The following ZNF813 variants were observed in gnomAD, a reference collection of about 807,000 sequenced individuals.
The protein encoded by ZNF813 is zinc finger protein 813.
In ZNF813, 3 loss-of-function variants were observed where a neutral mutation model predicts 7.2. The observed-to-expected ratio is 0.42, with a 90% confidence interval of 0.19 to 1.08. The LOEUF is 1.08. Ranked by LOEUF, ZNF813 falls within the 50% of genes least tolerant of loss-of-function variation. ZNF813 has a pLI of 0.30. For synonymous variants in ZNF813, 227 were observed against 256.3 expected (o/e 0.89, Z 1.09); for missense variants, 714 against 753.3 (o/e 0.95, Z 0.61).
chr19:53,485,587 T>TGTATGTCATGATATAGAC (rs571848662), intron 2 of ZNF813, among the ~76,000 whole-genome samples: 1 of 139,698 alleles, frequency 7.2e-6, no homozygotes, highest in South Asian at 2.4e-4. Flanking sequence ...TGTCATGACA[T>TGTATGTCATGATATAGAC]ATGTATGTCA....
intron 1 of ZNF813, among the ~76,000 whole-genome samples, chr19:53,476,768 A>G (rs1019364263): frequency 2.0e-5 from 3 of 152,018 alleles, no homozygotes; most frequent in African/African-American, 7.2e-5. Context: ...GGTTCACACC[A>G]TTCTCCTGCC....
rs10402859 is a variant in ZNF813 at position 53,492,276 on chromosome 19, A to G, written c.*190A>G. On this transcript the variant is annotated 3_prime_UTR_variant, in exon 4 of 4. Transcript: ENST00000396403. ...CCTTCCACGTCATCATAGACTTCAT[A>G]GTGGAGAGAAACCTTAGAAATGTGA... is the stretch of plus-strand genomic sequence containing the variant. The G allele has an allele frequency of 1.1e-6, 1 of 874,514 alleles. No individual in the cohort carries two copies. Among genetic ancestry groups the G allele is most frequent in the Non-Finnish European group, 1.8e-6 (1 of 558,606 alleles). 54.2% of individuals were successfully genotyped at this position (874,514 alleles called of 1,614,324 possible).
rs199907213 is a variant in ZNF813, at chr19:53,491,080, C to T, written c.848C>T (p.Thr283Met). 87 of 1,613,406 alleles carry T rather than the reference C, an allele frequency of 5.4e-5. No individual in the cohort carries two copies. Among genetic ancestry groups the T allele is most frequent in the East Asian group, 3.3e-4 (15 of 44,824 alleles). Residue 283 changes from threonine (T) to methionine (M), a missense_variant, in exon 4 of 4, where the codon ACG becomes ATG. This residue lies in a region of ZNF813 where 563 missense variants were observed against 554.2 expected (regional missense o/e 1.02). Coordinates refer to ENST00000396403, the MANE Select transcript of ZNF813 (RefSeq NM_001004301.4). ...CNECGKTFSQTYSLTCHRRLH... is the reference protein window; with the variant it reads ...CNECGKTFSQMYSLTCHRRLH... ...GAGTGTGGCAAGACTTTCAGTCAGA[C>T]GTATTCCCTTACATGCCATCGTAGA...
In ZNF813 at chr19:53,476,315, T is replaced by C. The variant is rs555937383; in HGVS notation, c.-73-7435T>C. On this transcript the variant is annotated intron_variant, in intron 1 of 3. Transcript: ENST00000396403. Reference sequence around the variant, plus strand: ...TTGGCAGGGTATAAGCCATGAGGTCTGAAGCCAATGTTTCTCTAAAGATTG... The same window carrying C: ...TTGGCAGGGTATAAGCCATGAGGTCCGAAGCCAATGTTTCTCTAAAGATTG... 3.7e-4 allele frequency among the ~76,000 whole-genome samples: 56 copies of C among 152,298 alleles called. 1 individual carries two copies. The South Asian group carries it at 0.011, about 30-fold the overall frequency.
rs575285913 is a variant in ZNF813 at position 53,492,070 on chromosome 19, G to A, written c.1838G>A (p.Gly613Asp). ...GEKPYKFNEC[G>D]KAFN ...AAACCTTACAAGTTTAATGAGTGTG[G>A]CAAAGCTTTTAATTGAAAAGCAAAG... The change falls in exon 4 of 4, where the codon GGC (glycine) becomes GAC (aspartate). Residue 613 changes from glycine to aspartate, a missense_variant. This residue lies in a region of ZNF813 where 122 missense variants were observed against 146.8 expected (regional missense o/e 0.83). Coordinates refer to ENST00000396403, the MANE Select transcript of ZNF813 (RefSeq NM_001004301.4). 6.2e-6 allele frequency: 10 copies of A among 1,611,784 alleles called. No individual in the cohort carries two copies. In the East Asian group the frequency reaches 2.0e-4, roughly 32 times the overall value.
intron 3 of ZNF813, among the ~76,000 whole-genome samples, chr19:53,489,876 C>T (rs559033019): frequency 1.3e-5 from 2 of 152,134 alleles, no homozygotes; most frequent in South Asian, 2.1e-4. Flanking sequence ...ATTTTGTAAT[C>T]GTTTCTTACC....
rs1371125107 is a variant in ZNF813, at chr19:53,492,243, C to T, written c.*157C>T. 38 of 985,442 alleles carry T rather than the reference C, an allele frequency of 3.9e-5. 1 individual carries two copies. The highest frequency in any genetic ancestry group is 3.8e-5 in the Non-Finnish European group (25 of 660,666). The allele number at this position is 985,442 out of a possible 1,614,324, so 61.0% of individuals were successfully genotyped here. A position where few individuals can be genotyped will look rare whatever the true frequency, so the allele number is the denominator to read the frequency against. ...TGAACGTTGCAAAATTTTTAATCAA[C>T]AAGCACACCTTCCACGTCATCATAG... On this transcript the variant is annotated 3_prime_UTR_variant, in exon 4 of 4. Transcript: ENST00000396403.
intron 1 of ZNF813, among the ~76,000 whole-genome samples, chr19:53,481,293 G>A (rs777020493): frequency 8.0e-5 from 12 of 149,976 alleles, no homozygotes; most frequent in Non-Finnish European, 1.6e-4. Context: ...AGCAAGCCCT[G>A]CCTCAGCTTT....
chr19:53,470,133 TTTG>T, intron 1 of ZNF813, among the ~76,000 whole-genome samples: 1 of 150,550 alleles, frequency 6.6e-6, no homozygotes, highest in South Asian at 2.1e-4. Flanking sequence ...GCTAAATACA[TTTG>T]TTTTCTTTCT....
At position 53,492,273 on chromosome 19, in the gene ZNF813, C is replaced by T. The variant is rs1568433670; in HGVS notation, c.*187C>T. On this transcript the variant is annotated 3_prime_UTR_variant, in exon 4 of 4. Transcript: ENST00000396403. Reference sequence around the variant, plus strand: ...ACACCTTCCACGTCATCATAGACTTCATAGTGGAGAGAAACCTTAGAAATG... The same window carrying T: ...ACACCTTCCACGTCATCATAGACTTTATAGTGGAGAGAAACCTTAGAAATG... The T allele has an allele frequency of 6.7e-6, 6 of 889,178 alleles. No individual in the cohort carries two copies. The highest frequency in any genetic ancestry group is 8.8e-6 in the Non-Finnish European group (5 of 571,398). 55.1% of individuals were successfully genotyped at this position (889,178 alleles called of 1,614,324 possible). A position where few individuals can be genotyped will look rare whatever the true frequency, so the allele number is the denominator to read the frequency against.
At chr19:53,479,411 C>A (rs2086396962) in intron 1 of ZNF813, 6 of 1,584,088 alleles carry the variant, frequency 3.8e-6, no homozygotes, top group Non-Finnish European at 5.1e-6. Flanking sequence ...CAGCTGCAGG[C>A]AGATGATGAG....
chr19:53,481,722 G>A (rs1352046717), intron 1 of ZNF813, among the ~76,000 whole-genome samples: 1 of 152,062 alleles, frequency 6.6e-6, no homozygotes, highest in Non-Finnish European at 1.5e-5. Context: ...CTGTTTTCAA[G>A]GTCAATAGCT....
In ZNF813 at chr19:53,492,939, A is replaced by T; in HGVS notation, c.*853A>T. ...CACCTCCTTAGACATCAGAGAATGC[A>T]CACTGGACGGAAATCTTACAAATGT... On this transcript the variant is annotated 3_prime_UTR_variant, in exon 4 of 4. Coordinates refer to ENST00000396403, the MANE Select transcript of ZNF813 (RefSeq NM_001004301.4). 1 of 478,650 alleles carries T rather than the reference A, an allele frequency of 2.1e-6. No homozygotes were observed. The allele number at this position is 478,650 out of a possible 1,614,324, so 29.7% of individuals were successfully genotyped here.
intron 1 of ZNF813, among the ~76,000 whole-genome samples, chr19:53,472,414 A>G (rs895542660): frequency 2.0e-5 from 3 of 151,900 alleles, no homozygotes; most frequent in Admixed American, 1.3e-4. Context: ...GCTGCTGGAC[A>G]AGCATCAAAA....
rs1427706119 is a variant in ZNF813 at position 53,496,069 on chromosome 19, T to C, written c.*3983T>C. 9 of 309,460 alleles carry C rather than the reference T, an allele frequency of 2.9e-5. No individual in the cohort carries two copies. The highest frequency in any genetic ancestry group is 2.8e-4 in the Admixed American group (8 of 28,708). The allele number at this position is 309,460 out of a possible 1,614,324, so 19.2% of individuals were successfully genotyped here. ...GCACGTGAGATGGCACACATATTTA[T>C]GCTGTGTGAGCATTACAATCGCGTT... On this transcript the variant is annotated 3_prime_UTR_variant, in exon 4 of 4. Coordinates refer to ENST00000396403, the MANE Select transcript of ZNF813 (RefSeq NM_001004301.4).
At chr19:53,480,950 C>A (rs946719610) in intron 1 of ZNF813, among the ~76,000 whole-genome samples, 2 of 152,128 alleles carry the variant, frequency 1.3e-5, no homozygotes, top group African/African-American at 4.8e-5. Flanking sequence ...AGTATGGAGG[C>A]TGCAAAAGAC....
chr19:53,480,431 A>G (rs1354369235), intron 1 of ZNF813, among the ~76,000 whole-genome samples: 1 of 151,620 alleles, frequency 6.6e-6, no homozygotes, highest in Non-Finnish European at 1.5e-5. Context: ...ATCAGCTCAC[A>G]TCATTTTTTT....
intron 1 of ZNF813, among the ~76,000 whole-genome samples, chr19:53,480,902 G>C (rs1418853618): frequency 6.6e-6 from 1 of 151,228 alleles, no homozygotes; most frequent in Non-Finnish European, 1.5e-5. Context: ...GAAAAGACAA[G>C]TTAAGAATGC....
Position 53,472,931 on chromosome 19 carries a change from A to C in ZNF813, c.-74+5142A>C, listed in dbSNP as rs76012083. On this transcript the variant is annotated intron_variant, in intron 1 of 3. Transcript: ENST00000396403. ...CTGGCCTTTATAAGTACAAGTTCTT[A>C]AGCGAGTCCTTGTACACTCATAATA... Among the ~76,000 whole-genome samples, 775 of 152,262 alleles carry C rather than the reference A, an allele frequency of 5.1e-3. 19 individuals are homozygous for C. The East Asian group carries it at 0.096, about 19-fold the overall frequency.
Sources: allele counts gnomAD v4.1 joint callset (sites outside exome capture counted in the v4.1 genomes callset), GRCh38; gene constraint gnomAD v4.1.1; regional missense constraint gnomAD v4.1.1; transcripts MANE v1.5; gene names NCBI Gene and HGNC (gene_info 2026-07-23, HGNC 2026-07-21).